The following DOCK4 variants were observed in gnomAD, a reference collection of about 807,000 sequenced individuals.
DOCK4 encodes dedicator of cytokinesis protein 4.
DOCK4 carries 97 observed loss-of-function variants against 268.1 expected under a neutral mutation model. The ratio of observed to expected loss-of-function variants is 0.36; its 90% CI spans 0.31 to 0.43. DOCK4 has a LOEUF of 0.43. Ranked by LOEUF, DOCK4 falls within the 20% of genes least tolerant of loss-of-function variation. The pLI, the probability that DOCK4 is intolerant of heterozygous loss-of-function variation, is 1.00. For synonymous variants in DOCK4, 954 were observed against 887.2 expected (o/e 1.08, Z -1.34); for missense variants, 2,145 against 2,455.7 (o/e 0.87, Z 2.67).
intron 12 of DOCK4, among the ~76,000 whole-genome samples, chr7:111,917,005 T>C (rs1792657901): frequency 7.1e-6 from 1 of 141,624 alleles, no homozygotes; most frequent in South Asian, 2.3e-4. Flanking sequence ...TTTTTTTTTT[T>C]TGAGACGGAG....
intron 1 of DOCK4, among the ~76,000 whole-genome samples, chr7:112,066,703 A>ATGTATGTGTG (rs1249508609): frequency 1.4e-4 from 7 of 51,106 alleles, no homozygotes; most frequent in African/African-American, 5.0e-4. Flanking sequence ...ATATATATAT[A>ATGTATGTGTG]TATATATATA....
At chr7:111,794,684 A>C (rs1385249350) in intron 30 of DOCK4, among the ~76,000 whole-genome samples, 1 of 152,130 alleles carries the variant, frequency 6.6e-6, no homozygotes, top group Non-Finnish European at 1.5e-5. Flanking sequence ...GTGTAATTTC[A>C]TTTGCTCCCT....
intron 30 of DOCK4, among the ~76,000 whole-genome samples, chr7:111,801,375 T>C (rs1274296757): frequency 6.6e-6 from 1 of 152,244 alleles, no homozygotes; most frequent in Non-Finnish European, 1.5e-5. Flanking sequence ...GGGAGCTGTT[T>C]TCTTCTTTCT....
At chr7:111,766,879 C>T (rs1797791096) in intron 38 of DOCK4, among the ~76,000 whole-genome samples, 153 bp downstream of exon 38, 2 of 152,170 alleles carry the variant, frequency 1.3e-5, no homozygotes, top group Admixed American at 6.5e-5. Context: ...AATCAATTTG[C>T]TATTTCTCTA....
rs1272970026 is a variant in DOCK4, at chr7:111,904,314, A to G, written c.1193-2513T>C. Among the ~76,000 whole-genome samples, 5 of 152,220 alleles carry G rather than the reference A, an allele frequency of 3.3e-5. No individual in the cohort carries two copies. In the East Asian group the frequency reaches 9.6e-4, roughly 29 times the overall value. On this transcript the variant is annotated intron_variant, in intron 13 of 52. Coordinates refer to ENST00000428084, the MANE Select transcript of DOCK4 (RefSeq NM_001363540.2). ...TGAATACAGCAAAAATTCTTTCCCC[A>G]GAGTCTTGATTCTAGCAGGTGTAAG...
intron 26 of DOCK4, among the ~76,000 whole-genome samples, chr7:111,832,139 G>A (rs1381601327): frequency 1.3e-5 from 2 of 152,192 alleles, no homozygotes; most frequent in African/African-American, 2.4e-5. Flanking sequence ...GTGGGGTAGA[G>A]AGTGTGCTGT....
Position 111,739,170 on chromosome 7 carries a change from G to A in DOCK4, c.5196C>T (p.Cys1732=). The change falls in exon 49 of 53, where the codon TGC becomes TGT. Residue 1732 remains cysteine, a synonymous_variant. Coordinates refer to ENST00000428084, the MANE Select transcript of DOCK4 (RefSeq NM_001363540.2). ...NSCLSPRERP[C]SAIYPTPVEP... ...CCACAGGTGTTGGATAGATGGCACTGCATGGTCTCTCTCTTGGTGACAGGC... is the reference window on the plus strand; with the variant it reads ...CCACAGGTGTTGGATAGATGGCACTACATGGTCTCTCTCTTGGTGACAGGC... 1 of 1,613,982 alleles carries A rather than the reference G, an allele frequency of 6.2e-7. No homozygotes were observed. The highest frequency in any genetic ancestry group is 8.5e-7 in the Non-Finnish European group (1 of 1,179,862).
rs1817689896 is a variant in DOCK4 at position 112,167,294 on chromosome 7, GA to G, written c.37+38807del. Among the ~76,000 whole-genome samples the G allele has an allele frequency of 3.3e-5, 5 of 152,174 alleles. No individual in the cohort carries two copies. In the South Asian group the frequency reaches 8.3e-4, roughly 25 times the overall value. Reference sequence around the variant, plus strand: ...ACACCCTCCATTTGCAAGTGGAACAGAAAAACAGAAGCAGGTGGTCAAGTAG... The same window carrying G: ...ACACCCTCCATTTGCAAGTGGAACAGAAAACAGAAGCAGGTGGTCAAGTAG... On this transcript the variant is annotated intron_variant, in intron 1 of 52. Coordinates refer to ENST00000428084, the MANE Select transcript of DOCK4 (RefSeq NM_001363540.2).
chr7:111,909,915 T>C (rs1791946179), intron 13 of DOCK4, among the ~76,000 whole-genome samples: 1 of 151,846 alleles, frequency 6.6e-6, no homozygotes, highest in Admixed American at 6.6e-5. Flanking sequence ...TGAGCCATGA[T>C]TGTACTACTA....
Position 111,899,363 on chromosome 7 carries a change from C to T in DOCK4, c.1480+1011G>A, listed in dbSNP as rs192819504. Among the ~76,000 whole-genome samples the T allele has an allele frequency of 9.2e-5, 14 of 152,250 alleles. No individual in the cohort carries two copies. The East Asian group carries it at 9.7e-4, about 11-fold the overall frequency. ...AAAAATGTGATTCTCCTGTATCTCTCGTTTGTTGTACTGCTCCCAAAGCTA... is the reference window on the plus strand; with the variant it reads ...AAAAATGTGATTCTCCTGTATCTCTTGTTTGTTGTACTGCTCCCAAAGCTA... On this transcript the variant is annotated intron_variant, in intron 15 of 52. Transcript: ENST00000428084.
chr7:111,728,694 A>G lies in DOCK4; in HGVS notation c.5508T>C (p.Ser1836=). 1 of 1,613,276 alleles carries G rather than the reference A, an allele frequency of 6.2e-7. No homozygotes were observed. The highest frequency in any genetic ancestry group is 8.5e-7 in the Non-Finnish European group (1 of 1,179,604). Residue 1836 remains serine (S), a synonymous_variant, in exon 53 of 53, where the codon TCT becomes TCC. Coordinates refer to ENST00000428084, the MANE Select transcript of DOCK4 (RefSeq NM_001363540.2). The stretch of plus-strand genomic sequence containing the variant: ...GTCCTGGCGAGTGGTACTCCACTGG[A>G]GAGGGGGTGAAAGACTGCACAGAGC... ...LKGSVQSFTP[S]PVEYHSPGLI...
chr7:112,071,841 G>C (rs1188722147), intron 1 of DOCK4, among the ~76,000 whole-genome samples: 1 of 152,146 alleles, frequency 6.6e-6, no homozygotes, highest in Non-Finnish European at 1.5e-5. Context: ...CTATTAGGAA[G>C]TTACCATCAA....
rs1304760893 is a variant in DOCK4 at position 111,767,137 on chromosome 7, G to T, written c.3829-19C>A. 18 of 1,598,078 alleles carry T rather than the reference G, an allele frequency of 1.1e-5. No homozygotes were observed. The highest frequency in any genetic ancestry group is 1.4e-5 in the Non-Finnish European group (16 of 1,168,074). ...CCCAACACTGTGGACAAATGAATGA[G>T]ATCAATGGAACCATCTGACAATATC... On this transcript the variant is annotated intron_variant, in intron 37 of 52. Transcript: ENST00000428084.
intron 47 of DOCK4, 59 bp downstream of exon 47, chr7:111,741,035 C>T (rs1469704967): frequency 6.3e-7 from 1 of 1,597,736 alleles, no homozygotes; most frequent in Non-Finnish European, 8.5e-7. Context: ...TGAACAGAAA[C>T]ACTCATGATT....
At chr7:112,140,887 C>T (rs571676534) in intron 1 of DOCK4, among the ~76,000 whole-genome samples, 29 of 152,178 alleles carry the variant, frequency 1.9e-4, no homozygotes, top group Non-Finnish European at 3.2e-4. Context: ...CCTGCATTCA[C>T]ACCTGACCTC....
chr7:111,737,565 T>TA (rs1427719416), intron 49 of DOCK4, among the ~76,000 whole-genome samples: 1 of 152,300 alleles, frequency 6.6e-6, no homozygotes, highest in African/African-American at 2.4e-5. Flanking sequence ...ATTTATTAGG[T>TA]AAAAAATATA....
intron 1 of DOCK4, among the ~76,000 whole-genome samples, chr7:112,011,802 T>C (rs1294671848): frequency 6.8e-6 from 1 of 147,072 alleles, no homozygotes; most frequent in East Asian, 2.0e-4. Context: ...CATCCACCTA[T>C]CCATACTTCT....
intron 1 of DOCK4, among the ~76,000 whole-genome samples, chr7:112,195,251 C>G (rs1433743755): frequency 6.6e-6 from 1 of 152,182 alleles, no homozygotes. Context: ...TGCACTCCAG[C>G]CTGGGCAACA....
intron 3 of DOCK4, among the ~76,000 whole-genome samples, chr7:112,000,077 T>G (rs886717188): frequency 6.6e-6 from 1 of 152,092 alleles, no homozygotes; most frequent in African/African-American, 2.4e-5. Context: ...AAGGGACTCT[T>G]AACATGCCGC....
Sources: allele counts gnomAD v4.1 joint callset (sites outside exome capture counted in the v4.1 genomes callset), GRCh38; gene constraint gnomAD v4.1.1; transcripts MANE v1.5; gene names NCBI Gene and HGNC (gene_info 2026-07-23, HGNC 2026-07-21).